SLC35D4: variants seen among roughly 807,000 people sequenced by gnomAD.
SLC35D4 encodes UDP-N-acetylglucosamine transporter SLC35D4.
the SLC35D4 span, among the ~76,000 whole-genome samples, chr18:23,243,468 GTTTTTTTTTTTT>G: frequency 2.0e-5 from 2 of 101,878 alleles, no homozygotes; most frequent in Non-Finnish European, 4.1e-5. Flanking sequence ...TGGGTTTGGT[GTTTTTTTTTTTT>G]TTTTTTTTTG....
At chr18:23,302,668 C>T in the SLC35D4 span, among the ~76,000 whole-genome samples, 1 of 152,210 alleles carries the variant, frequency 6.6e-6, no homozygotes, top group African/African-American at 2.4e-5. Flanking sequence ...TTGCTTCCTT[C>T]TGTAGTCTCA....
At chr18:23,268,515 C>T in the SLC35D4 span, among the ~76,000 whole-genome samples, 1 of 152,010 alleles carries the variant, frequency 6.6e-6, no homozygotes, top group African/African-American at 2.4e-5. Flanking sequence ...GCAACAAGTT[C>T]CCCAGGTGAT....
the SLC35D4 span, chr18:23,437,927 A>G: frequency 5.3e-6 from 8 of 1,504,316 alleles, no homozygotes; most frequent in Non-Finnish European, 4.5e-6. Context: ...CCCCCGCAGC[A>G]GCAGCAGCGG....
the SLC35D4 span, among the ~76,000 whole-genome samples, chr18:23,436,034 T>A: frequency 1.5e-4 from 1 of 6,628 alleles, no homozygotes; most frequent in Non-Finnish European, 2.9e-4. Context: ...ACACTTTCTC[T>A]TTTTTTTTTT....
chr18:23,317,868 T>G, the SLC35D4 span, among the ~76,000 whole-genome samples: 1 of 151,938 alleles, frequency 6.6e-6, no homozygotes. Context: ...GCCTCCTGAG[T>G]AGCTGGGATT....
the SLC35D4 span, among the ~76,000 whole-genome samples, chr18:23,426,686 C>T: frequency 1.3e-5 from 2 of 152,232 alleles, no homozygotes; most frequent in African/African-American, 2.4e-5. Context: ...TCATATGGAA[C>T]CAAAAAAGAT....
chr18:23,246,651 A>G, the SLC35D4 span, among the ~76,000 whole-genome samples: 4 of 151,628 alleles, frequency 2.6e-5, no homozygotes, highest in East Asian at 7.8e-4. Context: ...TTGGCCTCCC[A>G]AAGTGCTGGG....
the SLC35D4 span, among the ~76,000 whole-genome samples, chr18:23,251,812 G>A: frequency 1.3e-5 from 2 of 151,934 alleles, no homozygotes; most frequent in Non-Finnish European, 2.9e-5. Flanking sequence ...TAGGCCAGGC[G>A]CGGTGGCTCA....
chr18:23,263,351 T>C, the SLC35D4 span, among the ~76,000 whole-genome samples: 1 of 152,184 alleles, frequency 6.6e-6, no homozygotes, highest in Admixed American at 6.5e-5. Flanking sequence ...GCTGGCCCTT[T>C]TCCCTGCAGA....
chr18:23,253,757 CAGG>C, the SLC35D4 span: 2 of 1,614,080 alleles, frequency 1.2e-6, no homozygotes, highest in African/African-American at 2.7e-5. Flanking sequence ...GAAGCTTGCG[CAGG>C]AGGACTGTGG....
chr18:23,383,019 C>T, the SLC35D4 span, among the ~76,000 whole-genome samples: 9 of 152,148 alleles, frequency 5.9e-5, no homozygotes, highest in Admixed American at 5.2e-4. Context: ...TCCAAGGGGC[C>T]TCCAGGGTTT....
the SLC35D4 span, among the ~76,000 whole-genome samples, chr18:23,404,480 C>G: frequency 6.6e-6 from 1 of 151,620 alleles, no homozygotes; most frequent in African/African-American, 2.4e-5. Flanking sequence ...CGAGACCATC[C>G]TGGCCAACAT....
At chr18:23,245,278 T>G in the SLC35D4 span, among the ~76,000 whole-genome samples, 1 of 151,960 alleles carries the variant, frequency 6.6e-6, no homozygotes, top group Non-Finnish European at 1.5e-5. Flanking sequence ...GAGGCTGAGG[T>G]GGGCGGATCA....
the SLC35D4 span, among the ~76,000 whole-genome samples, chr18:23,295,493 TA>T: frequency 1.3e-5 from 2 of 151,958 alleles, no homozygotes; most frequent in African/African-American, 4.8e-5. Context: ...AGAAAAAAAA[TA>T]ATATAAATAT....
the SLC35D4 span, among the ~76,000 whole-genome samples, chr18:23,419,293 T>C: frequency 6.6e-6 from 1 of 151,928 alleles, no homozygotes; most frequent in Non-Finnish European, 1.5e-5. Context: ...TTCTTTTTTT[T>C]CTTTTTTTTC....
the SLC35D4 span, among the ~76,000 whole-genome samples, chr18:23,406,510 G>A: frequency 8.5e-5 from 13 of 152,274 alleles, no homozygotes; most frequent in South Asian, 2.5e-3. Context: ...TTTCTTATAA[G>A]TGACTAAAAA....
the SLC35D4 span, among the ~76,000 whole-genome samples, chr18:23,434,008 G>A: frequency 6.6e-6 from 1 of 152,146 alleles, no homozygotes; most frequent in Non-Finnish European, 1.5e-5. Flanking sequence ...TATGCTCATG[G>A]GGTGTCCACT....
chr18:23,253,641 G>A, the SLC35D4 span: 1 of 1,131,964 alleles, frequency 8.8e-7, no homozygotes, highest in African/African-American at 1.6e-5. Context: ...AAGAGAAAGA[G>A]AAAAAGCATT....
At chr18:23,305,840 T>C in the SLC35D4 span, among the ~76,000 whole-genome samples, 1 of 152,210 alleles carries the variant, frequency 6.6e-6, no homozygotes, top group Non-Finnish European at 1.5e-5. Context: ...TGAGCATCTA[T>C]AGACACTGCA....
Sources: gnomAD v4.1 joint callset for allele counts (sites outside exome capture counted in the v4.1 genomes callset) on GRCh38, gnomAD v4.1.1 for gene constraint, MANE v1.5 for transcripts, NCBI Gene and HGNC (gene_info 2026-07-23, HGNC 2026-07-21) for gene names.